COMMD10: variants seen among roughly 807,000 people sequenced by gnomAD.
COMMD10 encodes COMM domain-containing protein 10.
COMMD10 carries 33 observed loss-of-function variants against 28.9 expected under a neutral mutation model. That is an observed-to-expected ratio of 1.14 (90% confidence interval 0.87 to 1.53). The LOEUF is 1.53. Ranked by LOEUF, COMMD10 falls within the 40% of genes most tolerant of loss-of-function variation. The pLI is 0.00. For missense variants in COMMD10, 310 were observed against 233.4 expected (o/e 1.33, Z -2.14); for synonymous variants, 110 against 81.7 (o/e 1.35, Z -1.87).
intron 5 of COMMD10, among the ~76,000 whole-genome samples, chr5:116,207,594 G>C (rs1331765941): frequency 6.6e-6 from 1 of 151,906 alleles, no homozygotes; most frequent in African/African-American, 2.4e-5. Context: ...GGCATGATCT[G>C]GGCTCACTGC....
At chr5:116,229,467 C>G (rs1749474958) in intron 5 of COMMD10, among the ~76,000 whole-genome samples, 1 of 152,044 alleles carries the variant, frequency 6.6e-6, no homozygotes, top group African/African-American at 2.4e-5. Context: ...TGTAGCATTA[C>G]CTCTATTCAA....
rs995716951 is a variant in COMMD10 at position 116,273,417 on chromosome 5, TAGA to T, written c.511-18096_511-18094del. The stretch of plus-strand genomic sequence containing the variant: ...TTCTGTCATTTTTCCTCATCCAAGA[TAGA>T]AGATGTCTTCGAAAGCTTTGTATAT... On this transcript the variant is annotated intron_variant, in intron 5 of 6. Coordinates refer to ENST00000274458, the MANE Select transcript of COMMD10 (RefSeq NM_016144.4). 1.6e-4 allele frequency among the ~76,000 whole-genome samples: 24 copies of T among 151,944 alleles called. 1 individual carries two copies. The highest frequency in any genetic ancestry group is 5.1e-4 in the African/African-American group (21 of 41,320).
chr5:116,216,798 T>C (rs545116224), intron 5 of COMMD10, among the ~76,000 whole-genome samples: 1 of 152,302 alleles, frequency 6.6e-6, no homozygotes, highest in East Asian at 1.9e-4. Context: ...GCTCCCAAAG[T>C]GCTGGGATTA....
Position 116,125,093 on chromosome 5 carries a change from G to A in COMMD10, c.400-8975G>A, listed in dbSNP as rs138801608. Among the ~76,000 whole-genome samples, 1,065 of 152,096 alleles carry A rather than the reference G, an allele frequency of 7.0e-3. 14 individuals are homozygous for A. The highest frequency in any genetic ancestry group is 0.025 in the African/African-American group (1,025 of 41,494). ...TGTTATGTGTGAATTTGATCCTGTC[G>A]TTATGATGTTACCTGGTTATTTTCC... On this transcript the variant is annotated intron_variant, in intron 4 of 6. Transcript: ENST00000274458.
chr5:116,244,672 A>G lies in COMMD10; in HGVS notation c.511-46845A>G, dbSNP rs936811052. Among the ~76,000 whole-genome samples, 4 of 150,852 alleles carry G rather than the reference A, an allele frequency of 2.7e-5. 1 individual carries two copies. The highest frequency in any genetic ancestry group is 9.7e-5 in the African/African-American group (4 of 41,274). ...AAAAAAAAAATTACAAAAAAAAAAA[A>G]AAAAAAGAAAACAGCCATATGATTA... On this transcript the variant is annotated intron_variant, in intron 5 of 6. Coordinates refer to ENST00000274458, the MANE Select transcript of COMMD10 (RefSeq NM_016144.4).
chr5:116,231,831 C>T (rs527417601), intron 5 of COMMD10, among the ~76,000 whole-genome samples: 1 of 151,944 alleles, frequency 6.6e-6, no homozygotes, highest in African/African-American at 2.4e-5. Context: ...GGAGTACTTA[C>T]TTCAAGACAA....
At chr5:116,229,192 C>G (rs1037451322) in intron 5 of COMMD10, among the ~76,000 whole-genome samples, 2 of 151,930 alleles carry the variant, frequency 1.3e-5, no homozygotes, top group Non-Finnish European at 2.9e-5. Context: ...AAAGATGAGG[C>G]ATTGAACTTG....
intron 5 of COMMD10, among the ~76,000 whole-genome samples, chr5:116,220,358 C>T (rs1453408196): frequency 6.6e-6 from 1 of 152,074 alleles, no homozygotes; most frequent in Non-Finnish European, 1.5e-5. Context: ...TTCTAAGCCC[C>T]TAGAGAATGT....
intron 5 of COMMD10, among the ~76,000 whole-genome samples, chr5:116,175,111 C>G (rs1389539437): frequency 6.6e-6 from 1 of 152,102 alleles, no homozygotes; most frequent in Non-Finnish European, 1.5e-5. Context: ...ACTTTTCTCA[C>G]CACCACATTT....
chr5:116,151,701 A>T (rs925324841), intron 5 of COMMD10, among the ~76,000 whole-genome samples: 15 of 151,950 alleles, frequency 9.9e-5, no homozygotes, highest in Admixed American at 2.6e-4. Flanking sequence ...ATCGGTGGTG[A>T]TATCCCCTTT....
At chr5:116,211,721 G>A (rs763251371) in intron 5 of COMMD10, among the ~76,000 whole-genome samples, 1 of 151,994 alleles carries the variant, frequency 6.6e-6, no homozygotes, top group East Asian at 1.9e-4. Context: ...ATTCCAAAAA[G>A]CAAAACAAGT....
chr5:116,257,925 C>A (rs1171193333), intron 5 of COMMD10, among the ~76,000 whole-genome samples: 1 of 151,494 alleles, frequency 6.6e-6, no homozygotes, highest in East Asian at 1.9e-4. Context: ...GTTTTGTATA[C>A]CCAATTTCAT....
chr5:116,134,842 C>T (rs533190630), intron 5 of COMMD10, among the ~76,000 whole-genome samples: 51 of 152,118 alleles, frequency 3.4e-4, no homozygotes, highest in African/African-American at 1.1e-3. Flanking sequence ...AGGATGGTCT[C>T]GATCCCCTGA....
chr5:116,198,069 A>G (rs1351287394), intron 5 of COMMD10, among the ~76,000 whole-genome samples: 1 of 152,128 alleles, frequency 6.6e-6, no homozygotes, highest in Admixed American at 6.6e-5. Context: ...CACTTCACAC[A>G]TAATTTTTGT....
At chr5:116,193,380 T>G (rs1354972934) in intron 5 of COMMD10, among the ~76,000 whole-genome samples, 2 of 152,190 alleles carry the variant, frequency 1.3e-5, no homozygotes, top group African/African-American at 4.8e-5. Flanking sequence ...AGTGGCATAA[T>G]GGATAAGAAT....
chr5:116,119,536 A>G (rs1405339813), intron 4 of COMMD10, among the ~76,000 whole-genome samples: 1 of 151,778 alleles, frequency 6.6e-6, no homozygotes, highest in Non-Finnish European at 1.5e-5. Context: ...ATGGTAATAT[A>G]TTCACTTCTG....
rs144464684 is a variant in COMMD10, at chr5:116,158,991, A to C, written c.510+24813A>C. ...GTCACCATGTTCATTAATGTAGTCC[A>C]GGAAATTTTATTTCTCCTGTGGCTA... On this transcript the variant is annotated intron_variant, in intron 5 of 6. Transcript: ENST00000274458. 3.3e-4 allele frequency among the ~76,000 whole-genome samples: 51 copies of C among 152,260 alleles called. 1 individual carries two copies. The East Asian group carries it at 9.3e-3, about 28-fold the overall frequency.
At chr5:116,193,444 A>T (rs1437289630) in intron 5 of COMMD10, among the ~76,000 whole-genome samples, 3 of 152,174 alleles carry the variant, frequency 2.0e-5, no homozygotes, top group Non-Finnish European at 2.9e-5. Flanking sequence ...CCTAACACAT[A>T]AGGACTCACA....
chr5:116,215,480 A>C (rs907820028), intron 5 of COMMD10, among the ~76,000 whole-genome samples: 6 of 151,576 alleles, frequency 4.0e-5, no homozygotes, highest in Non-Finnish European at 8.8e-5. Flanking sequence ...TGAGGCCAGG[A>C]GATCAAGACC....
Sources: allele counts gnomAD v4.1 joint callset (sites outside exome capture counted in the v4.1 genomes callset), GRCh38; gene constraint gnomAD v4.1.1; transcripts MANE v1.5; gene names NCBI Gene and HGNC (gene_info 2026-07-23, HGNC 2026-07-21).